TRPM3: variants seen among roughly 807,000 people sequenced by gnomAD.
TRPM3 encodes the protein long transient receptor potential channel 3.
TRPM3 carries 77 observed loss-of-function variants against 181.2 expected under a neutral mutation model. The observed-to-expected ratio is 0.42, with a 90% confidence interval of 0.35 to 0.51. The LOEUF is 0.51. Ranked by LOEUF, TRPM3 falls within the 20% of genes least tolerant of loss-of-function variation. The pLI is 0.01. For missense variants in TRPM3, 1,759 were observed against 2,196.7 expected, an observed-to-expected ratio of 0.80 and a Z score of 3.98; for synonymous variants, 745 against 796.4, an observed-to-expected ratio of 0.94 and a Z score of 1.09.
At chr9:71,051,357 T>G (rs1163427734) in intron 1 of TRPM3, among the ~76,000 whole-genome samples, 1 of 152,208 alleles carries the variant, frequency 6.6e-6, no homozygotes, top group African/African-American at 2.4e-5. Flanking sequence ...TCACATTCAT[T>G]ATCTCATTTC....
chr9:71,331,352 C>G (rs181886240), intron 1 of TRPM3, among the ~76,000 whole-genome samples: 2 of 151,846 alleles, frequency 1.3e-5, no homozygotes, highest in East Asian at 3.9e-4. Context: ...AATTTTGCCT[C>G]GTAATAAATA....
chr9:70,921,657 G>C (rs1361702732), intron 1 of TRPM3, among the ~76,000 whole-genome samples: 1 of 152,200 alleles, frequency 6.6e-6, no homozygotes, highest in African/African-American at 2.4e-5. Flanking sequence ...TGTACAGAGA[G>C]TGACTACACT....
rs1437624121 is a variant in TRPM3 at position 70,972,133 on chromosome 9, T to C, written c.178-107622A>G. 2.6e-5 allele frequency among the ~76,000 whole-genome samples: 4 copies of C among 152,166 alleles called. No homozygotes were observed. The East Asian group carries it at 7.7e-4, about 29-fold the overall frequency. On this transcript the variant is annotated intron_variant, in intron 1 of 25. Coordinates refer to ENST00000677713, the MANE Select transcript of TRPM3 (RefSeq NM_001366145.2). The stretch of plus-strand genomic sequence containing the variant: ...ATATTTTCATGTCTAAACTTGTACA[T>C]AGATATTCATAGCCGCATCATTCAT...
At chr9:70,942,396 A>C (rs2096894738) in intron 1 of TRPM3, among the ~76,000 whole-genome samples, 1 of 152,200 alleles carries the variant, frequency 6.6e-6, no homozygotes, top group African/African-American at 2.4e-5. Flanking sequence ...CAAGAAGAGG[A>C]AAAAGCAAAG....
intron 25 of TRPM3, among the ~76,000 whole-genome samples, chr9:70,546,190 A>G (rs1395076081): frequency 2.6e-5 from 4 of 152,228 alleles, no homozygotes; most frequent in Non-Finnish European, 5.9e-5. Flanking sequence ...TCCTCTGCCA[A>G]GTTTGGACTT....
intron 14 of TRPM3, among the ~76,000 whole-genome samples, chr9:70,622,858 T>C (rs866774090): frequency 3.9e-5 from 6 of 152,166 alleles, no homozygotes; most frequent in Non-Finnish European, 8.8e-5. Flanking sequence ...TCTCTCATTT[T>C]TCTCTCTCTC....
intron 4 of TRPM3, among the ~76,000 whole-genome samples, chr9:70,845,903 G>A (rs920046073): frequency 1.3e-5 from 2 of 152,162 alleles, no homozygotes; most frequent in African/African-American, 2.4e-5. Context: ...GGCACAGTGA[G>A]GAGTTAATAA....
intron 21 of TRPM3, among the ~76,000 whole-genome samples, chr9:70,591,776 A>G (rs1043869557): frequency 2.1e-4 from 32 of 152,236 alleles, no homozygotes; most frequent in Admixed American, 1.8e-3. Context: ...CCAAATATCC[A>G]TTATATTCTT....
intron 1 of TRPM3, among the ~76,000 whole-genome samples, chr9:70,887,175 A>G (rs2096102207): frequency 6.6e-6 from 1 of 152,188 alleles, no homozygotes; most frequent in African/African-American, 2.4e-5. Context: ...CTGCTTAGAA[A>G]GAAAGAGGGC....
At chr9:71,291,503 T>C (rs1037460815) in intron 1 of TRPM3, among the ~76,000 whole-genome samples, 25 of 152,108 alleles carry the variant, frequency 1.6e-4, no homozygotes, top group African/African-American at 6.0e-4. Flanking sequence ...AGTATATTCT[T>C]TGACAATAGA....
intron 1 of TRPM3, among the ~76,000 whole-genome samples, chr9:71,127,509 C>T (rs185152604): frequency 3.3e-5 from 5 of 152,278 alleles, no homozygotes; most frequent in African/African-American, 1.2e-4. Context: ...AACCTAAGTG[C>T]CTCCTCTTAC....
intron 1 of TRPM3, among the ~76,000 whole-genome samples, chr9:71,167,747 T>C (rs1004313619): frequency 1.3e-5 from 2 of 151,938 alleles, no homozygotes; most frequent in Admixed American, 6.6e-5. Context: ...CTAGGAGAGG[T>C]TTGCCCAGAC....
At chr9:70,757,099 A>G (rs771427255) in intron 8 of TRPM3, among the ~76,000 whole-genome samples, 16 of 152,218 alleles carry the variant, frequency 1.1e-4, no homozygotes, top group Admixed American at 8.5e-4. Context: ...CAGACTAATA[A>G]AGAAGAAAAG....
chr9:71,201,355 G>A (rs2078780020), intron 1 of TRPM3, among the ~76,000 whole-genome samples: 1 of 152,018 alleles, frequency 6.6e-6, no homozygotes, highest in Non-Finnish European at 1.5e-5. Flanking sequence ...ATGTGTCTTG[G>A]AGTTGTTCTT....
intron 1 of TRPM3, among the ~76,000 whole-genome samples, chr9:71,090,455 C>A (rs1323351102): frequency 1.3e-5 from 2 of 152,102 alleles, no homozygotes; most frequent in Non-Finnish European, 2.9e-5. Context: ...TGATATAAAT[C>A]TTCTCATCCA....
At chr9:70,645,735 T>C (rs952718078) in intron 9 of TRPM3, among the ~76,000 whole-genome samples, 6 of 114,096 alleles carry the variant, frequency 5.3e-5, no homozygotes, top group African/African-American at 2.0e-4. Context: ...AAAGAGCTTC[T>C]TCACAGCAAA....
chr9:71,417,301 C>A (rs193121218), intron 1 of TRPM3, among the ~76,000 whole-genome samples: 1 of 151,926 alleles, frequency 6.6e-6, no homozygotes, highest in African/African-American at 2.4e-5. Flanking sequence ...CTTGCCAACA[C>A]CAGCAGTGTC....
chr9:70,772,774 C>T (rs540162008), intron 7 of TRPM3, among the ~76,000 whole-genome samples: 24 of 152,050 alleles, frequency 1.6e-4, no homozygotes, highest in Non-Finnish European at 2.9e-4. Flanking sequence ...TTTCCTTTGC[C>T]TTTGGTTATG....
chr9:71,418,287 G>C (rs188685801), intron 1 of TRPM3, among the ~76,000 whole-genome samples: 128 of 151,958 alleles, frequency 8.4e-4, no homozygotes, highest in Non-Finnish European at 1.3e-3. Context: ...GGATATCAGG[G>C]ACTCACAGAA....
Sources: gnomAD v4.1 joint callset for allele counts (sites outside exome capture counted in the v4.1 genomes callset) on GRCh38, gnomAD v4.1.1 for gene constraint, MANE v1.5 for transcripts, NCBI Gene and HGNC (gene_info 2026-07-23, HGNC 2026-07-21) for gene names.